Variants in NRG3 observed in about 807,000 individuals in gnomAD.
NRG3 encodes the protein neuregulin 3.
In NRG3, 31 loss-of-function variants were observed where a neutral mutation model predicts 66.9. The ratio of observed to expected loss-of-function variants is 0.46; its 90% CI spans 0.35 to 0.63. The LOEUF is 0.63. Among genes scored for constraint, NRG3 ranks in the 20% least tolerant of loss-of-function variants. The pLI, the probability that NRG3 is intolerant of heterozygous loss-of-function variation, is 0.00. For synonymous variants in NRG3, 393 were observed against 359.4 expected, an observed-to-expected ratio of 1.09 and a Z score of -1.06; for missense variants, 910 against 878.9, an observed-to-expected ratio of 1.04 and a Z score of -0.45.
chr10:82,085,764 G>A (rs1040467650), intron 1 of NRG3, among the ~76,000 whole-genome samples: 3 of 152,052 alleles, frequency 2.0e-5, no homozygotes, highest in East Asian at 1.9e-4. Context: ...AGCCTCCCAA[G>A]TAACCAGGAT....
At chr10:82,509,180 TC>T (rs112498609) in intron 2 of NRG3, among the ~76,000 whole-genome samples, 219 of 152,252 alleles carry the variant, frequency 1.4e-3, no homozygotes, top group African/African-American at 5.1e-3. Context: ...CTAGTTTTCT[TC>T]TCCTTGCCAT....
intron 1 of NRG3, among the ~76,000 whole-genome samples, chr10:82,324,048 AG>A (rs1163441085): frequency 1.3e-5 from 2 of 152,018 alleles, no homozygotes; most frequent in African/African-American, 4.8e-5. Context: ...TATTTTTTGT[AG>A]AGACGGGGTT....
intron 1 of NRG3, among the ~76,000 whole-genome samples, chr10:81,922,456 A>G (rs1216631496): frequency 2.0e-5 from 3 of 152,090 alleles, no homozygotes; most frequent in African/African-American, 4.8e-5. Context: ...TCCACACTCT[A>G]TGTGCATATG....
At chr10:82,055,067 A>G (rs1438031059) in intron 1 of NRG3, among the ~76,000 whole-genome samples, 1 of 152,026 alleles carries the variant, frequency 6.6e-6, no homozygotes, top group African/African-American at 2.4e-5. Flanking sequence ...AAGAAAGAAA[A>G]GAAAGGAAAA....
At chr10:82,355,170 T>C (rs2083696287) in intron 1 of NRG3, among the ~76,000 whole-genome samples, 1 of 152,202 alleles carries the variant, frequency 6.6e-6, no homozygotes, top group Admixed American at 6.5e-5. Context: ...TGCTCACAGA[T>C]GAGAGTTTTT....
At chr10:82,113,533 A>G (rs948544649) in intron 1 of NRG3, among the ~76,000 whole-genome samples, 1 of 152,142 alleles carries the variant, frequency 6.6e-6, no homozygotes, top group African/African-American at 2.4e-5. Flanking sequence ...GTTATGAAAA[A>G]CTGAGAGACT....
intron 1 of NRG3, among the ~76,000 whole-genome samples, chr10:82,346,635 G>C (rs2083041900): frequency 3.3e-5 from 5 of 151,432 alleles, no homozygotes; most frequent in Admixed American, 3.3e-4. Flanking sequence ...GTTTCAGAAG[G>C]AATGGTACCA....
At chr10:82,958,007 G>A (rs1277660358) in intron 5 of NRG3, among the ~76,000 whole-genome samples, 1 of 152,044 alleles carries the variant, frequency 6.6e-6, no homozygotes, top group African/African-American at 2.4e-5. Context: ...TAAGGCAGTG[G>A]TTTGTCCCAT....
chr10:82,157,141 T>G (rs769833386), intron 1 of NRG3, among the ~76,000 whole-genome samples: 2 of 151,814 alleles, frequency 1.3e-5, no homozygotes, highest in African/African-American at 2.4e-5. Context: ...TAAAATAGAC[T>G]GAGTTTACAG....
chr10:82,030,433 T>G (rs1456063810), intron 1 of NRG3, among the ~76,000 whole-genome samples: 1 of 152,066 alleles, frequency 6.6e-6, no homozygotes, highest in African/African-American at 2.4e-5. Context: ...TAACTTGATT[T>G]TATGTTTATC....
chr10:82,089,601 T>A (rs886549020), intron 1 of NRG3, among the ~76,000 whole-genome samples: 1 of 152,184 alleles, frequency 6.6e-6, no homozygotes, highest in Non-Finnish European at 1.5e-5. Flanking sequence ...TCATGGCAAC[T>A]CTCAATCCAG....
At chr10:82,270,573 C>A (rs80289116) in intron 1 of NRG3, among the ~76,000 whole-genome samples, 9,544 of 152,084 alleles carry the variant, frequency 0.063, 363 homozygotes, top group Non-Finnish European at 0.095. Flanking sequence ...TATATACTCC[C>A]CTTCACTATT....
At chr10:81,932,239 G>T (rs1422301705) in intron 1 of NRG3, among the ~76,000 whole-genome samples, 2 of 150,176 alleles carry the variant, frequency 1.3e-5, no homozygotes, top group South Asian at 2.1e-4. Context: ...TGAGAGAGAG[G>T]AGAGAGAGGA....
chr10:81,919,440 C>T (rs890646453), intron 1 of NRG3, among the ~76,000 whole-genome samples: 21 of 151,998 alleles, frequency 1.4e-4, no homozygotes, highest in Admixed American at 6.6e-5. Flanking sequence ...TTGGTAGCAG[C>T]GTGCAGAGAT....
At chr10:82,789,097 A>T (rs2060483784) in intron 3 of NRG3, among the ~76,000 whole-genome samples, 1 of 152,044 alleles carries the variant, frequency 6.6e-6, no homozygotes, top group South Asian at 2.1e-4. Flanking sequence ...AACTGTGAAG[A>T]TTTTACATTT....
rs115340156 is a variant in NRG3 at position 82,361,544 on chromosome 10, T to C, written c.953+2676T>C. ...TTTGTACAGCACTCTATTTAAGTAGTATGTTTCAGTCATACTCCTATTCAA... is the reference window on the plus strand; with the variant it reads ...TTTGTACAGCACTCTATTTAAGTAGCATGTTTCAGTCATACTCCTATTCAA... On this transcript the variant is annotated intron_variant, in intron 2 of 8. Coordinates refer to ENST00000372141, the MANE Select transcript of NRG3 (RefSeq NM_001010848.4). Among the ~76,000 whole-genome samples the C allele has an allele frequency of 5.2e-3, 789 of 152,326 alleles. 8 individuals carry two copies. Among genetic ancestry groups the C allele is most frequent in the African/African-American group, 0.018 (766 of 41,568 alleles).
intron 1 of NRG3, among the ~76,000 whole-genome samples, chr10:82,151,916 A>G (rs887274983): frequency 6.6e-6 from 1 of 152,198 alleles, no homozygotes; most frequent in Non-Finnish European, 1.5e-5. Context: ...ACATATGTAT[A>G]AGGGGAATTG....
chr10:82,528,851 C>T (rs1408100432), intron 2 of NRG3, among the ~76,000 whole-genome samples: 7 of 152,058 alleles, frequency 4.6e-5, no homozygotes, highest in Admixed American at 4.6e-4. Flanking sequence ...GTATATTTGA[C>T]TAAATGTTTC....
At chr10:82,954,498 G>A (rs1168152322) in intron 5 of NRG3, among the ~76,000 whole-genome samples, 2 of 151,898 alleles carry the variant, frequency 1.3e-5, no homozygotes, top group Non-Finnish European at 2.9e-5. Flanking sequence ...AGAGCACCAA[G>A]CGGGACATTG....
Sources: gnomAD v4.1 joint callset for allele counts (sites outside exome capture counted in the v4.1 genomes callset) on GRCh38, gnomAD v4.1.1 for gene constraint, MANE v1.5 for transcripts, NCBI Gene and HGNC (gene_info 2026-07-23, HGNC 2026-07-21) for gene names.